ELFN2: variants seen among roughly 807,000 people sequenced by gnomAD.
The protein encoded by ELFN2 is protein phosphatase 1 regulatory subunit 29.
Under a neutral mutation model 45.5 loss-of-function variants are expected in ELFN2, and 17 were observed. The ratio of observed to expected loss-of-function variants is 0.37; its 90% CI spans 0.26 to 0.56. The LOEUF (loss-of-function observed/expected upper bound fraction) is 0.56, where lower values mean the gene tolerates loss of function less well. Among genes scored for constraint, ELFN2 ranks in the 20% least tolerant of loss-of-function variants. The pLI, the probability that ELFN2 is intolerant of heterozygous loss-of-function variation, is 0.77. For missense variants in ELFN2, 922 were observed against 1,183.2 expected (o/e 0.78, Z 3.24); for synonymous variants, 550 against 551.5 (o/e 1.00, Z 0.04).
At chr22:37,403,469 T>C (rs1477372087) in intron 2 of ELFN2, among the ~76,000 whole-genome samples, 1 of 151,960 alleles carries the variant, frequency 6.6e-6, no homozygotes, top group East Asian at 1.9e-4. Context: ...TGGGTCCCGG[T>C]TGCCTGGGCA....
At chr22:37,357,640 G>A (rs370023471) in intron 1 of ELFN2, among the ~76,000 whole-genome samples, 2 of 152,166 alleles carry the variant, frequency 1.3e-5, no homozygotes, top group South Asian at 2.1e-4. Flanking sequence ...AGCTCAACAC[G>A]TGGCTCACGT....
downstream of ELFN2, among the ~76,000 whole-genome samples, chr22:37,366,407 G>A (rs1931208426): frequency 6.6e-6 from 1 of 152,244 alleles, no homozygotes; most frequent in Admixed American, 6.5e-5. Context: ...CCAGCCCAAG[G>A]CCGGCAGAGG....
chr22:37,365,378 A>C (rs1931181207), downstream of ELFN2, among the ~76,000 whole-genome samples: 1 of 152,188 alleles, frequency 6.6e-6, no homozygotes, highest in Admixed American at 6.5e-5. Flanking sequence ...GTCACCTTGG[A>C]ACTGTCAACT....
chr22:37,390,440 G>T (rs530054888), intron 2 of ELFN2, among the ~76,000 whole-genome samples: 2 of 152,316 alleles, frequency 1.3e-5, no homozygotes, highest in South Asian at 2.1e-4. Context: ...CCCACCAAAG[G>T]GTGGCCCAAA....
chr22:37,375,854 T>A lies in ELFN2; in HGVS notation c.-320A>T. 2.4e-6 allele frequency: 1 copy of A among 411,948 alleles called. No homozygotes were observed. The highest frequency in any genetic ancestry group is 2.1e-5 in the African/African-American group (1 of 46,766). 25.5% of individuals were successfully genotyped at this position (411,948 alleles called of 1,614,324 possible). A position where few individuals can be genotyped will look rare whatever the true frequency, so the allele number is the denominator to read the frequency against. On this transcript the variant is annotated 5_prime_UTR_variant, in exon 3 of 3. Coordinates refer to ENST00000402918, the MANE Select transcript of ELFN2 (RefSeq NM_052906.5). Reference sequence around the variant, plus strand: ...TTCCTCTCCCTCCTCCTCCTCCTCCTCCTCCTCCTCCTCCTCGTCTTCCTC... The same window carrying A: ...TTCCTCTCCCTCCTCCTCCTCCTCCACCTCCTCCTCCTCCTCGTCTTCCTC...
chr22:37,350,443 C>T (rs1392991731), intron 1 of ELFN2, among the ~76,000 whole-genome samples: 5 of 150,480 alleles, frequency 3.3e-5, no homozygotes, highest in African/African-American at 4.8e-5. Flanking sequence ...TCTGGCCACC[C>T]AGGGGGTGAG....
chr22:37,371,010 C>T lies in ELFN2; in HGVS notation c.*2062G>A, dbSNP rs1384216833. On this transcript the variant is annotated 3_prime_UTR_variant, in exon 3 of 3. Transcript: ENST00000402918. This position sits in a 1 kb window ranked among gnomAD's most constrained non-coding sequence, Gnocchi z 6.4. Reference sequence around the variant, plus strand: ...TTTGGGGGCCGGGGGAGGAGGTCTGCTCCGCGTATCCATGCCGCCCCCTCC... The same window carrying T: ...TTTGGGGGCCGGGGGAGGAGGTCTGTTCCGCGTATCCATGCCGCCCCCTCC... 6.6e-6 allele frequency: 1 copy of T among 152,310 alleles called. No individual in the cohort carries two copies. The highest frequency in any genetic ancestry group is 2.4e-5 in the African/African-American group (1 of 41,394). 9.4% of individuals were successfully genotyped at this position (152,310 alleles called of 1,614,324 possible).
At chr22:37,382,990 C>A (rs536889009) in intron 2 of ELFN2, among the ~76,000 whole-genome samples, 3 of 152,306 alleles carry the variant, frequency 2.0e-5, no homozygotes, top group Admixed American at 6.5e-5. Flanking sequence ...CCCATAAAGA[C>A]CCTTCTGACA....
intron 1 of ELFN2, among the ~76,000 whole-genome samples, chr22:37,352,681 C>T (rs979060778): frequency 2.7e-5 from 4 of 150,576 alleles, no homozygotes; most frequent in African/African-American, 7.3e-5. Flanking sequence ...GGCTGGAACA[C>T]GTGTGGTTGT....
At chr22:37,384,750 C>G (rs1931897607) in intron 2 of ELFN2, 1 of 133,164 alleles carries the variant, frequency 7.5e-6, no homozygotes, top group South Asian at 2.7e-4. Context: ...CCCACCTGAC[C>G]CCAATTCCCA....
intron 2 of ELFN2, among the ~76,000 whole-genome samples, chr22:37,404,604 C>T (rs954320058): frequency 6.6e-6 from 1 of 152,122 alleles, no homozygotes; most frequent in African/African-American, 2.4e-5. Flanking sequence ...TGGCCACACG[C>T]AATGTCCTAC....
At position 37,370,076 on chromosome 22, in the gene ELFN2, G is replaced by C. The variant is rs938108901; in HGVS notation, c.*2996C>G. 6 of 152,180 alleles carry C rather than the reference G, an allele frequency of 3.9e-5. No individual in the cohort carries two copies. The highest frequency in any genetic ancestry group is 8.8e-5 in the Non-Finnish European group (6 of 68,048). 9.4% of individuals were successfully genotyped at this position (152,180 alleles called of 1,614,324 possible). On this transcript the variant is annotated 3_prime_UTR_variant, in exon 3 of 3. Coordinates refer to ENST00000402918, the MANE Select transcript of ELFN2 (RefSeq NM_052906.5). ...AGTTGGGGCTCTGGCCTGGCTGGGA[G>C]GCCAGAGACCCGAGTCTTAGACCCC...
At chr22:37,393,203 G>C (rs942532802) in intron 2 of ELFN2, among the ~76,000 whole-genome samples, 14 of 152,196 alleles carry the variant, frequency 9.2e-5, no homozygotes, top group African/African-American at 3.1e-4. Context: ...CCACCACCTG[G>C]CCTCGTCAAG....
chr22:37,343,404 T>C (rs1039779697), intron 1 of ELFN2, among the ~76,000 whole-genome samples: 1 of 152,058 alleles, frequency 6.6e-6, no homozygotes, highest in African/African-American at 2.4e-5. Context: ...TCCCATTTCT[T>C]GGTCTGCTGT....
intron 1 of ELFN2, among the ~76,000 whole-genome samples, chr22:37,346,119 G>A (rs1930690553): frequency 6.6e-6 from 1 of 152,242 alleles, no homozygotes; most frequent in South Asian, 2.1e-4. Context: ...AGAATTAAGG[G>A]AGATAATTCG....
Position 37,387,152 on chromosome 22 carries a change from G to A in ELFN2, c.-462-11156C>T, listed in dbSNP as rs568124480. Among the ~76,000 whole-genome samples, 13 of 152,234 alleles carry A rather than the reference G, an allele frequency of 8.5e-5. No homozygotes were observed. In the South Asian group the frequency reaches 1.2e-3, roughly 15 times the overall value. ...CCTGGCCTGTCTTCCTTTCAGTCCC[G>A]AGGGCAACACACCCCTCTTTGCCTC... On this transcript the variant is annotated intron_variant, in intron 2 of 2. Transcript: ENST00000402918.
At chr22:37,396,605 G>C (rs983899917) in intron 2 of ELFN2, among the ~76,000 whole-genome samples, 16 of 152,170 alleles carry the variant, frequency 1.1e-4, no homozygotes, top group African/African-American at 3.6e-4. Flanking sequence ...GAGAGGACAA[G>C]AGCCTTGAGC....
intron 2 of ELFN2, among the ~76,000 whole-genome samples, chr22:37,382,885 T>C (rs1384558432): frequency 6.6e-6 from 1 of 152,076 alleles, no homozygotes; most frequent in Non-Finnish European, 1.5e-5. Context: ...TTACTAGAAA[T>C]TTCTTCTTCT....
At chr22:37,393,875 C>A (rs147840404) in intron 2 of ELFN2, among the ~76,000 whole-genome samples, 1 of 152,292 alleles carries the variant, frequency 6.6e-6, no homozygotes, top group Admixed American at 6.5e-5. Context: ...CGACACGGAA[C>A]GGGTCCCCCA....
Sources: allele counts gnomAD v4.1 joint callset (sites outside exome capture counted in the v4.1 genomes callset), GRCh38; gene constraint gnomAD v4.1.1; non-coding constraint Gnocchi (gnomAD v3.1); transcripts MANE v1.5; gene names NCBI Gene and HGNC (gene_info 2026-07-23, HGNC 2026-07-21).